CNTNAP2: variants seen among roughly 807,000 people sequenced by gnomAD.
The protein encoded by CNTNAP2 is contactin-associated protein-like 2.
In CNTNAP2, 98 loss-of-function variants were observed where a neutral mutation model predicts 155.2. The ratio of observed to expected loss-of-function variants is 0.63; its 90% CI spans 0.54 to 0.75. The LOEUF (loss-of-function observed/expected upper bound fraction) is 0.75, where lower values mean the gene tolerates loss of function less well. Among genes scored for constraint, CNTNAP2 ranks in the 30% least tolerant of loss-of-function variants. The pLI is 0.00. For synonymous variants in CNTNAP2, 651 were observed against 631.2 expected (o/e 1.03, Z -0.47); for missense variants, 1,727 against 1,688.1 (o/e 1.02, Z -0.40).
Position 146,864,703 on chromosome 7 carries a change from A to G in CNTNAP2, c.402+24799A>G, listed in dbSNP as rs139653136. ...TCTTAAAAACAAAACTACTGAAAGT[A>G]GTCAGGCTGGGCGCGGTGGCTCAAG... is the stretch of plus-strand genomic sequence containing the variant. On this transcript the variant is annotated intron_variant, in intron 3 of 23. Transcript: ENST00000361727. Among the ~76,000 whole-genome samples the G allele has an allele frequency of 2.3e-3, 351 of 152,236 alleles. 1 individual carries two copies. Among genetic ancestry groups the G allele is most frequent in the Middle Eastern group, 0.01 (3 of 294 alleles).
At chr7:147,412,095 A>C (rs1797113083) in intron 10 of CNTNAP2, among the ~76,000 whole-genome samples, 1 of 152,186 alleles carries the variant, frequency 6.6e-6, no homozygotes, top group African/African-American at 2.4e-5. Context: ...TTCATAAGAG[A>C]GTGGCAGAGG....
intron 15 of CNTNAP2, among the ~76,000 whole-genome samples, chr7:147,993,965 T>C (rs1465652891): frequency 6.6e-6 from 1 of 152,028 alleles, no homozygotes; most frequent in Non-Finnish European, 1.5e-5. Flanking sequence ...TAATATAGTC[T>C]CTACTATTTC....
intron 1 of CNTNAP2, among the ~76,000 whole-genome samples, chr7:146,547,820 C>T (rs1326663628): frequency 6.8e-6 from 1 of 147,928 alleles, no homozygotes; most frequent in African/African-American, 2.5e-5. Context: ...TGGATAAATG[C>T]TCACGGTGGA....
chr7:146,938,521 G>T (rs1034935209), intron 3 of CNTNAP2, among the ~76,000 whole-genome samples: 1 of 151,264 alleles, frequency 6.6e-6, no homozygotes, highest in Non-Finnish European at 1.5e-5. Context: ...TTCTAAGAAT[G>T]ACATCACTGC....
intron 8 of CNTNAP2, among the ~76,000 whole-genome samples, chr7:147,257,648 T>TA (rs1804363188): frequency 6.6e-6 from 1 of 152,246 alleles, no homozygotes; most frequent in Non-Finnish European, 1.5e-5. Flanking sequence ...CAAGTACAAT[T>TA]TATTTTTTAA....
intron 1 of CNTNAP2, among the ~76,000 whole-genome samples, chr7:146,625,171 T>G (rs1799398111): frequency 6.6e-6 from 1 of 152,002 alleles, no homozygotes; most frequent in African/African-American, 2.4e-5. Context: ...TGCAGAAGAT[T>G]GACACATATG....
chr7:147,189,770 A>C (rs1047252570), intron 8 of CNTNAP2, among the ~76,000 whole-genome samples: 1 of 150,868 alleles, frequency 6.6e-6, no homozygotes, highest in African/African-American at 2.4e-5. Context: ...GTTGAGACGG[A>C]GTCTCACTCT....
chr7:146,257,877 A>AT (rs1377787941), intron 1 of CNTNAP2, among the ~76,000 whole-genome samples: 1 of 147,540 alleles, frequency 6.8e-6, no homozygotes, highest in African/African-American at 2.7e-5. Flanking sequence ...AGCCGCTTTG[A>AT]TTATCCAGCA....
chr7:146,707,477 T>C (rs6944982), intron 1 of CNTNAP2, among the ~76,000 whole-genome samples: 13,059 of 152,158 alleles, frequency 0.086, 1,786 homozygotes, highest in African/African-American at 0.29. Context: ...TAGAAATTTC[T>C]TTCTTTTTGT....
At chr7:146,931,474 A>G (rs1796756497) in intron 3 of CNTNAP2, among the ~76,000 whole-genome samples, 1 of 149,530 alleles carries the variant, frequency 6.7e-6, no homozygotes. Flanking sequence ...AATGCCCACA[A>G]AAGAAAGCAG....
chr7:147,981,818 GT>G (rs370637829), intron 15 of CNTNAP2, among the ~76,000 whole-genome samples: 16,710 of 124,014 alleles, frequency 0.13, 1,215 homozygotes, highest in Middle Eastern at 0.26. Context: ...TGTGTGTGTG[GT>G]TTTTTTTTTC....
intron 11 of CNTNAP2, among the ~76,000 whole-genome samples, chr7:147,514,268 T>C (rs1293201919): frequency 6.6e-6 from 1 of 152,160 alleles, no homozygotes; most frequent in African/African-American, 2.4e-5. Context: ...GATGAAGGTA[T>C]AAAATATATA....
At chr7:147,572,839 G>T (rs1315906144) in intron 12 of CNTNAP2, among the ~76,000 whole-genome samples, 1 of 151,922 alleles carries the variant, frequency 6.6e-6, no homozygotes, top group African/African-American at 2.4e-5. Flanking sequence ...CTCTCTTCCG[G>T]CTAAACTTAA....
At chr7:148,292,261 G>A (rs1264770294) in intron 21 of CNTNAP2, among the ~76,000 whole-genome samples, 2 of 152,168 alleles carry the variant, frequency 1.3e-5, no homozygotes, top group African/African-American at 4.8e-5. Flanking sequence ...AAGCCATTCA[G>A]GTAAAGTGAA....
At chr7:146,585,935 G>T (rs347178) in intron 1 of CNTNAP2, among the ~76,000 whole-genome samples, 50,239 of 151,742 alleles carry the variant, frequency 0.33, 8,683 homozygotes, top group East Asian at 0.47. Context: ...TGCTTGAGAG[G>T]TGGAGGTTGC....
intron 18 of CNTNAP2, among the ~76,000 whole-genome samples, chr7:148,192,587 T>C (rs1326580255): frequency 6.7e-6 from 1 of 149,470 alleles, no homozygotes; most frequent in African/African-American, 2.5e-5. Flanking sequence ...GATCACGCCA[T>C]TGCACTCCAG....
intron 15 of CNTNAP2, among the ~76,000 whole-genome samples, chr7:148,065,246 T>C (rs1272207306): frequency 6.6e-6 from 1 of 152,194 alleles, no homozygotes; most frequent in Non-Finnish European, 1.5e-5. Flanking sequence ...CATGTGCTGA[T>C]GAGTAGAATG....
intron 10 of CNTNAP2, among the ~76,000 whole-genome samples, chr7:147,403,161 T>A (rs1453320611): frequency 6.6e-6 from 1 of 152,176 alleles, no homozygotes; most frequent in Non-Finnish European, 1.5e-5. Context: ...TTCCTTTCTA[T>A]TAATTCCATG....
chr7:146,720,110 T>G (rs1352486112), intron 1 of CNTNAP2, among the ~76,000 whole-genome samples: 1 of 150,642 alleles, frequency 6.6e-6, no homozygotes, highest in Non-Finnish European at 1.5e-5. Flanking sequence ...GGACTCTTGT[T>G]TTATTACATT....
Sources: allele counts gnomAD v4.1 joint callset (sites outside exome capture counted in the v4.1 genomes callset), GRCh38; gene constraint gnomAD v4.1.1; transcripts MANE v1.5; gene names NCBI Gene and HGNC (gene_info 2026-07-23, HGNC 2026-07-21).